STXBP5L: variants seen among roughly 807,000 people sequenced by gnomAD.
STXBP5L encodes syntaxin-binding protein 5-like.
STXBP5L carries 65 observed loss-of-function variants against 144.5 expected under a neutral mutation model. The observed-to-expected ratio is 0.45, with a 90% CI of 0.37 to 0.55. STXBP5L has a LOEUF of 0.55. Ranked by LOEUF, STXBP5L falls within the 20% of genes least tolerant of loss-of-function variation. The pLI, the probability that STXBP5L is intolerant of heterozygous loss-of-function variation, is 0.00. For synonymous variants in STXBP5L, 505 were observed against 469.6 expected (o/e 1.08, Z -0.97); for missense variants, 1,298 against 1,405.5 (o/e 0.92, Z 1.22).
At chr3:121,382,805 C>A (rs2046348777) in intron 22 of STXBP5L, among the ~76,000 whole-genome samples, 1 of 152,094 alleles carries the variant, frequency 6.6e-6, no homozygotes, top group African/African-American at 2.4e-5. Context: ...ATTCTTAGCA[C>A]ATATACTTAG....
At chr3:121,053,067 T>C (rs1948152279) in intron 5 of STXBP5L, among the ~76,000 whole-genome samples, 1 of 152,154 alleles carries the variant, frequency 6.6e-6, no homozygotes, top group South Asian at 2.1e-4. Context: ...CAAGGAGAAC[T>C]ACAAACCACT....
intron 7 of STXBP5L, among the ~76,000 whole-genome samples, chr3:121,148,502 C>T (rs2045803156): frequency 6.6e-6 from 1 of 152,040 alleles, no homozygotes; most frequent in African/African-American, 2.4e-5. Context: ...TGTTAATTTT[C>T]CCAAAGCTAT....
At chr3:121,210,702 T>A (rs1318759562) in intron 10 of STXBP5L, among the ~76,000 whole-genome samples, 1 of 152,158 alleles carries the variant, frequency 6.6e-6, no homozygotes, top group African/African-American at 2.4e-5. Flanking sequence ...TTTCCCCATT[T>A]CTTGTTTTTG....
chr3:120,980,869 A>T (rs1025858362), intron 3 of STXBP5L, among the ~76,000 whole-genome samples: 14 of 152,176 alleles, frequency 9.2e-5, no homozygotes, highest in African/African-American at 3.4e-4. Flanking sequence ...TTTGAACTCC[A>T]TTGAAAATTT....
At chr3:121,241,310 T>A (rs187026087) in intron 14 of STXBP5L, among the ~76,000 whole-genome samples, 94 of 152,016 alleles carry the variant, frequency 6.2e-4, no homozygotes, top group Non-Finnish European at 1.1e-3. Context: ...AAAGTGGCAG[T>A]GTATCAAGAC....
chr3:121,100,119 A>G (rs533520524), intron 5 of STXBP5L, among the ~76,000 whole-genome samples: 1 of 152,328 alleles, frequency 6.6e-6, no homozygotes, highest in African/African-American at 2.4e-5. Context: ...CTAGACCTAT[A>G]AAAAGACTTA....
chr3:121,152,949 T>C (rs1213174360), intron 8 of STXBP5L, among the ~76,000 whole-genome samples: 2 of 152,084 alleles, frequency 1.3e-5, no homozygotes, highest in African/African-American at 4.8e-5. Context: ...AAGACACTAT[T>C]CACACCTTCC....
chr3:121,014,061 T>G (rs573138478), intron 3 of STXBP5L, among the ~76,000 whole-genome samples: 1 of 152,210 alleles, frequency 6.6e-6, no homozygotes, highest in African/African-American at 2.4e-5. Context: ...TAGTTTGAAG[T>G]CAGGTAATAT....
intron 22 of STXBP5L, among the ~76,000 whole-genome samples, chr3:121,403,539 A>G (rs1015446867): frequency 4.6e-5 from 7 of 152,204 alleles, no homozygotes; most frequent in African/African-American, 1.7e-4. Flanking sequence ...TCCATTAAAA[A>G]AGAGAAACAA....
At chr3:121,056,900 A>T (rs1009231531) in intron 5 of STXBP5L, among the ~76,000 whole-genome samples, 1 of 151,224 alleles carries the variant, frequency 6.6e-6, no homozygotes, top group African/African-American at 2.4e-5. Context: ...TTTTTTGTTA[A>T]ACAAATTAGC....
chr3:121,197,870 C>T (rs954198657), intron 9 of STXBP5L, among the ~76,000 whole-genome samples: 34 of 152,100 alleles, frequency 2.2e-4, no homozygotes, highest in East Asian at 1.9e-4. Flanking sequence ...GTATATGTGC[C>T]GCATTTTCTT....
At chr3:121,278,739 G>C (rs2050958589) in intron 18 of STXBP5L, among the ~76,000 whole-genome samples, 1 of 151,820 alleles carries the variant, frequency 6.6e-6, no homozygotes, top group Non-Finnish European at 1.5e-5. Context: ...CTAAGGCCAA[G>C]CAAGATTCAT....
intron 3 of STXBP5L, among the ~76,000 whole-genome samples, chr3:120,983,433 G>T (rs1941992817): frequency 6.6e-6 from 1 of 152,086 alleles, no homozygotes; most frequent in South Asian, 2.1e-4. Flanking sequence ...GTGTTTGAGT[G>T]CCCTGCTTTC....
At chr3:120,986,571 A>C (rs1483908761) in intron 3 of STXBP5L, among the ~76,000 whole-genome samples, 1 of 151,932 alleles carries the variant, frequency 6.6e-6, no homozygotes, top group Non-Finnish European at 1.5e-5. Context: ...GTTGTATTGA[A>C]ACATTTTGTT....
intron 3 of STXBP5L, among the ~76,000 whole-genome samples, chr3:120,989,741 C>G (rs907420755): frequency 2.6e-5 from 4 of 151,950 alleles, no homozygotes; most frequent in Non-Finnish European, 4.4e-5. Flanking sequence ...TTGTTATGTC[C>G]CACTGGTGAA....
At chr3:121,095,495 T>A (rs1467274051) in intron 5 of STXBP5L, among the ~76,000 whole-genome samples, 2 of 152,196 alleles carry the variant, frequency 1.3e-5, no homozygotes, top group Non-Finnish European at 2.9e-5. Flanking sequence ...CTTTTTACTC[T>A]TTTTTCTCTA....
chr3:121,188,631 C>T (rs1221536463), intron 9 of STXBP5L, among the ~76,000 whole-genome samples: 1 of 152,132 alleles, frequency 6.6e-6, no homozygotes, highest in Non-Finnish European at 1.5e-5. Flanking sequence ...GGCTTCATCC[C>T]TGGGATGCAA....
intron 2 of STXBP5L, among the ~76,000 whole-genome samples, chr3:120,939,602 G>T (rs79692771): frequency 5.3e-4 from 80 of 152,210 alleles, no homozygotes; most frequent in African/African-American, 1.9e-3. Context: ...CAAGTGTGTA[G>T]CTCATGAGGG....
intron 20 of STXBP5L, among the ~76,000 whole-genome samples, chr3:121,340,296 A>G (rs746020138): frequency 1.3e-5 from 2 of 152,084 alleles, no homozygotes; most frequent in African/African-American, 2.4e-5. Context: ...AAAGGCATGG[A>G]ATATTATTTT....
Sources: gnomAD v4.1 joint callset for allele counts (sites outside exome capture counted in the v4.1 genomes callset) on GRCh38, gnomAD v4.1.1 for gene constraint, MANE v1.5 for transcripts, NCBI Gene and HGNC (gene_info 2026-07-23, HGNC 2026-07-21) for gene names.